Variants in CDYL observed in about 807,000 individuals in gnomAD.
CDYL encodes chromodomain Y like.
Under a neutral mutation model 47.3 loss-of-function variants are expected in CDYL, and 8 were observed. That is an observed-to-expected ratio of 0.17 (90% CI 0.10 to 0.31). The LOEUF (loss-of-function observed/expected upper bound fraction) is 0.31, where lower values mean the gene tolerates loss of function less well. Among genes scored for constraint, CDYL ranks in the 10% least tolerant of loss-of-function variants. The pLI is 1.00. For missense variants in CDYL, 471 were observed against 701.4 expected (o/e 0.67, Z 3.71); for synonymous variants, 266 against 265.0 (o/e 1.00, Z -0.04).
intron 1 of CDYL, among the ~76,000 whole-genome samples, chr6:4,713,372 G>A (rs976304791): frequency 1.3e-5 from 2 of 152,088 alleles, no homozygotes; most frequent in African/African-American, 4.8e-5. Context: ...GACGCAGGCC[G>A]CAGGCTACGT....
intron 1 of CDYL, among the ~76,000 whole-genome samples, chr6:4,856,965 C>T (rs1761026184): frequency 6.6e-6 from 1 of 152,118 alleles, no homozygotes; most frequent in Non-Finnish European, 1.5e-5. Flanking sequence ...GGCTGAATTC[C>T]TGGCAGTTCC....
At chr6:4,794,897 T>G (rs1188908483) in intron 1 of CDYL, among the ~76,000 whole-genome samples, 1 of 152,192 alleles carries the variant, frequency 6.6e-6, no homozygotes, top group Non-Finnish European at 1.5e-5. Context: ...GTCTTTGTAT[T>G]TGAAAAACTG....
At chr6:4,745,810 G>C (rs1757885652) in intron 3 of CDYL, among the ~76,000 whole-genome samples, 1 of 152,160 alleles carries the variant, frequency 6.6e-6, no homozygotes, top group Admixed American at 6.5e-5. Flanking sequence ...GCTGAGGCCT[G>C]GGAGGATAAA....
rs150904728 is a variant in CDYL, at chr6:4,896,327, T to C, written c.691+3948T>C. ...GGTACCTGTGCAGAGAAGAGCTTTG[T>C]TATACTCTGCTAGATCGTAAGCTCC... On this transcript the variant is annotated intron_variant, in intron 2 of 6. Transcript: ENST00000397588. Among the ~76,000 whole-genome samples, 299 of 152,338 alleles carry C rather than the reference T, an allele frequency of 2.0e-3. 2 individuals are homozygous for C. The highest frequency in any genetic ancestry group is 7.0e-3 in the African/African-American group (289 of 41,578).
At chr6:4,925,308 C>G (rs1243838864) in intron 2 of CDYL, among the ~76,000 whole-genome samples, 1 of 151,844 alleles carries the variant, frequency 6.6e-6, no homozygotes, top group East Asian at 1.9e-4. Context: ...TTAGAGATGG[C>G]TAAGAATGAG....
At chr6:4,746,938 C>T (rs1325073217) in intron 3 of CDYL, among the ~76,000 whole-genome samples, 3 of 152,186 alleles carry the variant, frequency 2.0e-5, no homozygotes, top group African/African-American at 7.2e-5. Flanking sequence ...ACCCCAATCC[C>T]CATCCTAAAT....
chr6:4,879,230 T>C (rs1761697887), intron 1 of CDYL, among the ~76,000 whole-genome samples: 1 of 152,198 alleles, frequency 6.6e-6, no homozygotes, highest in Non-Finnish European at 1.5e-5. Flanking sequence ...TTGAAGTCTT[T>C]AGTGAATTAT....
At chr6:4,832,263 T>A (rs1412927211) in intron 1 of CDYL, among the ~76,000 whole-genome samples, 4 of 152,180 alleles carry the variant, frequency 2.6e-5, no homozygotes, top group Non-Finnish European at 5.9e-5. Context: ...AATACCTAAT[T>A]TATTGAGAGT....
chr6:4,752,858 T>TGTGTGTGTGTGTGTGTGTGTGTGTG (rs1160087493), intron 3 of CDYL, among the ~76,000 whole-genome samples: 2 of 119,688 alleles, frequency 1.7e-5, no homozygotes, highest in East Asian at 2.7e-4. Context: ...GTGTGTGTGT[T>TGTGTGTGTGTGTGTGTGTGTGTGTG]TGTAGATAGG....
intron 1 of CDYL, among the ~76,000 whole-genome samples, chr6:4,827,110 A>G (rs1029426244): frequency 1.8e-4 from 27 of 152,292 alleles, no homozygotes; most frequent in Middle Eastern, 6.8e-3. Flanking sequence ...ATATTAGTGT[A>G]GCCACCTCCA....
intron 1 of CDYL, among the ~76,000 whole-genome samples, chr6:4,833,999 C>T (rs1760221289): frequency 6.6e-6 from 1 of 151,296 alleles, no homozygotes. Context: ...CTGAATACAA[C>T]ACACTGATGG....
chr6:4,833,626 C>T (rs1188775862), intron 1 of CDYL, among the ~76,000 whole-genome samples: 2,560 of 148,584 alleles, frequency 0.017, 79 homozygotes, highest in African/African-American at 0.063. Context: ...CCTGGGTATC[C>T]TTGTTGACTT....
intron 1 of CDYL, among the ~76,000 whole-genome samples, chr6:4,801,271 T>A (rs919009970): frequency 6.6e-6 from 1 of 152,242 alleles, no homozygotes; most frequent in Non-Finnish European, 1.5e-5. Context: ...GATACCATAT[T>A]TTCCTTCAAT....
chr6:4,944,397 A>C (rs1409426370), intron 5 of CDYL, among the ~76,000 whole-genome samples: 1 of 152,196 alleles, frequency 6.6e-6, no homozygotes, highest in African/African-American at 2.4e-5. Context: ...GGTCAAAGTG[A>C]TACTATGCCC....
chr6:4,894,675 C>T (rs1212809316), intron 2 of CDYL, among the ~76,000 whole-genome samples: 1 of 152,118 alleles, frequency 6.6e-6, no homozygotes, highest in Non-Finnish European at 1.5e-5. Context: ...GTCTCAAACT[C>T]CTGACCTCAA....
At chr6:4,709,456 A>G (rs1757109236) in intron 1 of CDYL, among the ~76,000 whole-genome samples, 1 of 152,292 alleles carries the variant, frequency 6.6e-6, no homozygotes, top group South Asian at 2.1e-4. Flanking sequence ...TCGGCTTCCC[A>G]AAGTGCTGGG....
At chr6:4,846,423 A>C (rs1757058778) in intron 1 of CDYL, among the ~76,000 whole-genome samples, 1 of 152,238 alleles carries the variant, frequency 6.6e-6, no homozygotes, top group African/African-American at 2.4e-5. Flanking sequence ...AAAACAATAA[A>C]ATAGTTGTGG....
chr6:4,829,317 G>C (rs1206503616), intron 1 of CDYL, among the ~76,000 whole-genome samples: 3 of 152,092 alleles, frequency 2.0e-5, no homozygotes, highest in Non-Finnish European at 2.9e-5. Context: ...ATTCCTTATT[G>C]TTTGTGGTCA....
intron 3 of CDYL, among the ~76,000 whole-genome samples, chr6:4,736,690 G>A (rs1466029211): frequency 6.6e-6 from 1 of 151,428 alleles, no homozygotes; most frequent in Non-Finnish European, 1.5e-5. Flanking sequence ...CACTTTATTA[G>A]CAACTTAGCT....
Sources: gnomAD v4.1 joint callset for allele counts (sites outside exome capture counted in the v4.1 genomes callset) on GRCh38, gnomAD v4.1.1 for gene constraint, MANE v1.5 for transcripts, NCBI Gene and HGNC (gene_info 2026-07-23, HGNC 2026-07-21) for gene names.